The following INPP5A variants were observed in gnomAD, a reference collection of about 807,000 sequenced individuals.
INPP5A encodes the protein 43 kDa inositol polyphosphate 5-phophatase.
Under a neutral mutation model 65.2 loss-of-function variants are expected in INPP5A, and 14 were observed. The observed-to-expected ratio is 0.21, with a 90% CI of 0.14 to 0.34. The LOEUF is 0.34. Ranked by LOEUF, INPP5A falls within the 10% of genes least tolerant of loss-of-function variation. INPP5A has a pLI of 1.00. For missense variants in INPP5A, 431 were observed against 545.6 expected, an observed-to-expected ratio of 0.79 and a Z score of 2.09; for synonymous variants, 207 against 208.3, an observed-to-expected ratio of 0.99 and a Z score of 0.05.
At chr10:132,624,432 C>T (rs1016061588) in intron 2 of INPP5A, among the ~76,000 whole-genome samples, 3 of 152,192 alleles carry the variant, frequency 2.0e-5, no homozygotes, top group Non-Finnish European at 4.4e-5. Flanking sequence ...ACACCTGCAC[C>T]TCACACCGGC....
intron 4 of INPP5A, among the ~76,000 whole-genome samples, chr10:132,657,886 C>T (rs2072680193): frequency 6.6e-6 from 1 of 152,214 alleles, no homozygotes; most frequent in Non-Finnish European, 1.5e-5. Flanking sequence ...GATTGGTTTT[C>T]TGAGGGCACC....
At chr10:132,756,479 C>T (rs1255115348) in intron 11 of INPP5A, among the ~76,000 whole-genome samples, 3 of 152,196 alleles carry the variant, frequency 2.0e-5, no homozygotes, top group Admixed American at 2.0e-4. Flanking sequence ...ACATATGTGA[C>T]TAAGGTTTGA....
intron 4 of INPP5A, among the ~76,000 whole-genome samples, chr10:132,652,739 T>C (rs924835746): frequency 2.6e-5 from 4 of 152,190 alleles, no homozygotes; most frequent in Admixed American, 2.6e-4. Context: ...GGATGTACCT[T>C]GTAAAACAGT....
intron 4 of INPP5A, among the ~76,000 whole-genome samples, chr10:132,665,772 G>T (rs1409635503): frequency 6.6e-6 from 1 of 150,776 alleles, no homozygotes; most frequent in East Asian, 2.0e-4. Context: ...GGAGGCTGAG[G>T]CAGGTGAATT....
intron 2 of INPP5A, among the ~76,000 whole-genome samples, chr10:132,621,306 A>G (rs994029997): frequency 2.0e-5 from 3 of 152,234 alleles, no homozygotes; most frequent in Non-Finnish European, 4.4e-5. Context: ...TGAACACACC[A>G]TATTGGAGAC....
At chr10:132,566,952 G>A (rs2071281452) in intron 1 of INPP5A, among the ~76,000 whole-genome samples, 1 of 152,216 alleles carries the variant, frequency 6.6e-6, no homozygotes, top group Admixed American at 6.5e-5. Context: ...ACCTGTAATA[G>A]TGGTTTATGG....
rs147648870 is a variant in INPP5A, at chr10:132,550,128, G to A, written c.75+11957G>A. 8.7e-4 allele frequency among the ~76,000 whole-genome samples: 130 copies of A among 149,356 alleles called. No homozygotes were observed. The highest frequency in any genetic ancestry group is 3.0e-3 in the African/African-American group (123 of 40,488). On this transcript the variant is annotated intron_variant, in intron 1 of 15. Coordinates refer to ENST00000368594, the MANE Select transcript of INPP5A (RefSeq NM_005539.5). This position sits in a 1 kb window ranked among gnomAD's most constrained non-coding sequence, Gnocchi z 4.2. ...ACCGGGCATTAGGGGATGGGGTCAG[G>A]CTCGAGTTACTAACCAGGCAGTAGA...
At position 132,762,302 on chromosome 10, in the gene INPP5A, T is replaced by C. The variant is rs1167134264; in HGVS notation, c.904-3471T>C. Among the ~76,000 whole-genome samples, 2 of 152,160 alleles carry C rather than the reference T, an allele frequency of 1.3e-5. No homozygotes were observed. Among genetic ancestry groups the C allele is most frequent in the Non-Finnish European group, 2.9e-5 (2 of 68,028 alleles). ...ATGGAAGTAAATCCACACACAGACA[T>C]GTCAGAGTGAAACAGCGGAACATCA... On this transcript the variant is annotated intron_variant, in intron 11 of 15. Coordinates refer to ENST00000368594, the MANE Select transcript of INPP5A (RefSeq NM_005539.5). This position sits in a 1 kb window ranked among gnomAD's most constrained non-coding sequence, Gnocchi z 4.6.
At chr10:132,719,706 G>C (rs190104576) in intron 8 of INPP5A, among the ~76,000 whole-genome samples, 1 of 150,642 alleles carries the variant, frequency 6.6e-6, no homozygotes, top group Non-Finnish European at 1.5e-5. Context: ...TGGTACCTGG[G>C]TTCTGTCTGG....
Position 132,551,844 on chromosome 10 carries a change from G to A in INPP5A, c.75+13673G>A, listed in dbSNP as rs1452065390. ...CAGCCGGGGTCTTCTCTGAATAGTC[G>A]GCTGCACGATTAAACTGGGTTCTGC... is the stretch of plus-strand genomic sequence containing the variant. On this transcript the variant is annotated intron_variant, in intron 1 of 15. Transcript: ENST00000368594. The surrounding 1 kb of genome is among the most constrained non-coding windows in gnomAD (Gnocchi z 5.3). Among the ~76,000 whole-genome samples the A allele has an allele frequency of 1.3e-5, 2 of 152,188 alleles. No individual in the cohort carries two copies. Among genetic ancestry groups the A allele is most frequent in the African/African-American group, 2.4e-5 (1 of 41,434 alleles).
intron 2 of INPP5A, among the ~76,000 whole-genome samples, chr10:132,642,914 CTG>C (rs1226392757): frequency 1.1e-4 from 16 of 152,266 alleles, no homozygotes; most frequent in East Asian, 1.9e-4. Flanking sequence ...CTTGGGGAAA[CTG>C]AGAGTATGTG....
intron 2 of INPP5A, among the ~76,000 whole-genome samples, chr10:132,636,233 A>T (rs561962014): frequency 1.3e-5 from 2 of 152,176 alleles, no homozygotes; most frequent in African/African-American, 4.8e-5. Flanking sequence ...ATTCGGCCAT[A>T]AAAAGAATGA....
In INPP5A at chr10:132,675,146, A is replaced by G. The variant is rs552372039; in HGVS notation, c.307-15246A>G. ...AAAATAAAAACTCATACCCAGTCAG[A>G]TTATAACAAATCAAGAAAACCATAG... On this transcript the variant is annotated intron_variant, in intron 4 of 15. Coordinates refer to ENST00000368594, the MANE Select transcript of INPP5A (RefSeq NM_005539.5). This position sits in a 1 kb window ranked among gnomAD's most constrained non-coding sequence, Gnocchi z 4.2. Among the ~76,000 whole-genome samples the G allele has an allele frequency of 6.6e-6, 1 of 152,336 alleles. No homozygotes were observed. Among genetic ancestry groups the G allele is most frequent in the East Asian group, 1.9e-4 (1 of 5,190 alleles).
intron 2 of INPP5A, among the ~76,000 whole-genome samples, chr10:132,628,463 C>CGGGGGGGGGGGGGGGGGG (rs55668291): frequency 9.0e-4 from 21 of 23,310 alleles, no homozygotes; most frequent in South Asian, 1.4e-3. Context: ...GCTCTGGTGG[C>CGGGGGGGGGGGGGGGGGG]GGGGGGGGGG....
At chr10:132,695,178 A>G (rs1845326245) in intron 5 of INPP5A, among the ~76,000 whole-genome samples, 1 of 152,246 alleles carries the variant, frequency 6.6e-6, no homozygotes, top group Admixed American at 6.5e-5. Context: ...CCTGGTATAG[A>G]GGCTGGTTCA....
chr10:132,648,417 G>T (rs1263651125), intron 3 of INPP5A, among the ~76,000 whole-genome samples: 1 of 152,266 alleles, frequency 6.6e-6, no homozygotes, highest in Non-Finnish European at 1.5e-5. Flanking sequence ...CTTTTTAAAA[G>T]ATTAAGACGT....
rs1846263989 is a variant in INPP5A, at chr10:132,741,165, G to A, written c.733-8352G>A. On this transcript the variant is annotated intron_variant, in intron 9 of 15. Coordinates refer to ENST00000368594, the MANE Select transcript of INPP5A (RefSeq NM_005539.5). The surrounding 1 kb of genome is among the most constrained non-coding windows in gnomAD (Gnocchi z 4.4). Reference sequence around the variant, plus strand: ...GGAGGATTGCTTGAGCCCGGAGGTCGAGGCTGCAGTGAGCCAGCCATGATC... The same window carrying A: ...GGAGGATTGCTTGAGCCCGGAGGTCAAGGCTGCAGTGAGCCAGCCATGATC... 6.6e-6 allele frequency among the ~76,000 whole-genome samples: 1 copy of A among 152,186 alleles called. No individual in the cohort carries two copies. Among genetic ancestry groups the A allele is most frequent in the Non-Finnish European group, 1.5e-5 (1 of 68,032 alleles).
rs1176204559 is a variant in INPP5A, at chr10:132,698,498, G to A, written c.474+579G>A. On this transcript the variant is annotated intron_variant, in intron 6 of 15. Coordinates refer to ENST00000368594, the MANE Select transcript of INPP5A (RefSeq NM_005539.5). The surrounding 1 kb of genome is among the most constrained non-coding windows in gnomAD (Gnocchi z 5.5). ...TGAGAAATTGGTGTTTCCTTCTGGC[G>A]GCCATGCACTTTGCTGAGCTGTGTG... Among the ~76,000 whole-genome samples, 5 of 152,210 alleles carry A rather than the reference G, an allele frequency of 3.3e-5. No homozygotes were observed. The highest frequency in any genetic ancestry group is 2.1e-4 in the South Asian group (1 of 4,816).
chr10:132,543,493 T>C (rs146989929), intron 1 of INPP5A, among the ~76,000 whole-genome samples: 2,284 of 152,366 alleles, frequency 0.015, 32 homozygotes, highest in South Asian at 0.038. Context: ...CGCAGCTCAC[T>C]GTAGCCTTGA....
Sources: allele counts gnomAD v4.1 joint callset (sites outside exome capture counted in the v4.1 genomes callset), GRCh38; gene constraint gnomAD v4.1.1; non-coding constraint Gnocchi (gnomAD v3.1); transcripts MANE v1.5; gene names NCBI Gene and HGNC (gene_info 2026-07-23, HGNC 2026-07-21).